Variants in CRYL1 observed in about 807,000 individuals in gnomAD.
The protein encoded by CRYL1 is lambda-crystallin homolog.
CRYL1 carries 29 observed loss-of-function variants against 36.6 expected under a neutral mutation model. That is an observed-to-expected ratio of 0.79 (90% confidence interval 0.59 to 1.08). The LOEUF (loss-of-function observed/expected upper bound fraction) is 1.08, where lower values mean the gene tolerates loss of function less well. Among genes scored for constraint, CRYL1 ranks in the 50% least tolerant of loss-of-function variants. The pLI is 0.00. For missense variants in CRYL1, 411 were observed against 407.9 expected (o/e 1.01, Z -0.06); for synonymous variants, 152 against 151.5 (o/e 1.00, Z -0.02).
At chr13:20,487,317 C>T (rs1005488307) in intron 3 of CRYL1, among the ~76,000 whole-genome samples, 11 of 151,310 alleles carry the variant, frequency 7.3e-5, no homozygotes, top group African/African-American at 1.2e-4. Flanking sequence ...AAGGAAAAAA[C>T]ATCTAAATGT....
At chr13:20,488,559 C>G (rs1380479168) in intron 3 of CRYL1, among the ~76,000 whole-genome samples, 4 of 152,254 alleles carry the variant, frequency 2.6e-5, no homozygotes, top group Non-Finnish European at 5.9e-5. Context: ...AGAACACACA[C>G]AGCCTTTTCG....
chr13:20,479,876 G>A (rs2033241739), intron 3 of CRYL1, among the ~76,000 whole-genome samples: 1 of 152,186 alleles, frequency 6.6e-6, no homozygotes, highest in Non-Finnish European at 1.5e-5. Flanking sequence ...TTGAGACAGG[G>A]ATGCTGGGGC....
intron 3 of CRYL1, among the ~76,000 whole-genome samples, chr13:20,466,083 A>G (rs1017700977): frequency 2.6e-5 from 4 of 152,140 alleles, no homozygotes; most frequent in Admixed American, 2.6e-4. Context: ...AGATGCCAAC[A>G]CCATGCTTCT....
At chr13:20,459,079 A>G (rs966811016) in intron 3 of CRYL1, among the ~76,000 whole-genome samples, 13 of 152,000 alleles carry the variant, frequency 8.6e-5, no homozygotes, top group Non-Finnish European at 1.6e-4. Flanking sequence ...ACTAAAAAAT[A>G]CAAAAAATTA....
intron 3 of CRYL1, among the ~76,000 whole-genome samples, chr13:20,480,587 A>G (rs1015223521): frequency 7.2e-5 from 11 of 152,238 alleles, no homozygotes; most frequent in Non-Finnish European, 1.6e-4. Flanking sequence ...TAGAGGCCAA[A>G]GAGAACAAAT....
At chr13:20,448,309 C>G (rs2032498849) in intron 3 of CRYL1, among the ~76,000 whole-genome samples, 1 of 152,120 alleles carries the variant, frequency 6.6e-6, no homozygotes, top group Non-Finnish European at 1.5e-5. Flanking sequence ...GTGAAAGTAT[C>G]AAATAATCTA....
intron 2 of CRYL1, among the ~76,000 whole-genome samples, chr13:20,490,664 T>TG (rs781367930): frequency 1.4e-5 from 2 of 146,064 alleles, no homozygotes; most frequent in African/African-American, 2.5e-5. Flanking sequence ...GGGGATGGGG[T>TG]GGGGGGGCAT....
chr13:20,440,900 G>A (rs1285034857), intron 3 of CRYL1, among the ~76,000 whole-genome samples: 1 of 152,198 alleles, frequency 6.6e-6, no homozygotes, highest in Non-Finnish European at 1.5e-5. Flanking sequence ...GAGTGAGAGT[G>A]AGATGACACC....
intron 6 of CRYL1, among the ~76,000 whole-genome samples, chr13:20,409,993 G>T (rs1459409529): frequency 6.6e-6 from 1 of 151,646 alleles, no homozygotes; most frequent in Non-Finnish European, 1.5e-5. Context: ...CAGGGATCTA[G>T]AACTAGAAAT....
At chr13:20,507,715 G>A (rs375944610) in intron 2 of CRYL1, among the ~76,000 whole-genome samples, 12 of 152,036 alleles carry the variant, frequency 7.9e-5, no homozygotes, top group Non-Finnish European at 1.2e-4. Flanking sequence ...TCAGGAGATC[G>A]AGACCATCCT....
intron 3 of CRYL1, among the ~76,000 whole-genome samples, chr13:20,487,232 T>C (rs1042448721): frequency 4.1e-5 from 6 of 145,726 alleles, no homozygotes; most frequent in Non-Finnish European, 9.0e-5. Context: ...AAAGTAGCTA[T>C]AGAAAGATTC....
At chr13:20,457,941 C>A (rs184606016) in intron 3 of CRYL1, among the ~76,000 whole-genome samples, 8 of 152,110 alleles carry the variant, frequency 5.3e-5, no homozygotes, top group Admixed American at 4.6e-4. Flanking sequence ...GAAAAGGTGA[C>A]CCCGGCAGAG....
intron 3 of CRYL1, among the ~76,000 whole-genome samples, chr13:20,478,259 C>A (rs1364898941): frequency 6.6e-6 from 1 of 152,018 alleles, no homozygotes; most frequent in African/African-American, 2.4e-5. Context: ...TTTATATTTT[C>A]TACTTAACAG....
intron 2 of CRYL1, among the ~76,000 whole-genome samples, chr13:20,504,884 AT>A (rs1347052066): frequency 6.6e-6 from 1 of 152,084 alleles, no homozygotes; most frequent in Admixed American, 6.6e-5. Context: ...ATGTTTTAAT[AT>A]TTTTTTAAAT....
rs571557923 is a variant in CRYL1, at chr13:20,454,423, T to G, written c.277-14669A>C. On this transcript the variant is annotated intron_variant, in intron 3 of 7. Coordinates refer to ENST00000298248, the MANE Select transcript of CRYL1 (RefSeq NM_015974.3). ...ATTCAACCCCCATTCGTGTTTGTTT[T>G]TTTTTTTTTTTGAGATGGAGTCTTG... is the stretch of plus-strand genomic sequence containing the variant. Among the ~76,000 whole-genome samples the G allele has an allele frequency of 1.2e-3, 183 of 150,924 alleles. 1 individual carries two copies. The highest frequency in any genetic ancestry group is 9.4e-3 in the South Asian group (45 of 4,798).
At chr13:20,429,665 C>T (rs539874894) in intron 5 of CRYL1, among the ~76,000 whole-genome samples, 25 of 152,260 alleles carry the variant, frequency 1.6e-4, no homozygotes, top group East Asian at 1.3e-3. Flanking sequence ...GGTTCTGCCG[C>T]GCAGCCCCAG....
intron 2 of CRYL1, among the ~76,000 whole-genome samples, chr13:20,503,022 CCTCAGAATATGCAGCA>C (rs1247504827): frequency 6.6e-6 from 1 of 152,124 alleles, no homozygotes; most frequent in Non-Finnish European, 1.5e-5. Flanking sequence ...AAGCGCACGG[CCTCAGAATATGCAGCA>C]AGATCACTCG....
At chr13:20,411,973 TTGAC>T (rs1439547584) in intron 6 of CRYL1, among the ~76,000 whole-genome samples, 1 of 152,166 alleles carries the variant, frequency 6.6e-6, no homozygotes, top group Non-Finnish European at 1.5e-5. Flanking sequence ...ACTGTGAAAA[TTGAC>T]TGAACTATTA....
At chr13:20,487,938 C>T (rs1593480252) in intron 3 of CRYL1, among the ~76,000 whole-genome samples, 1 of 152,046 alleles carries the variant, frequency 6.6e-6, no homozygotes, top group Admixed American at 6.6e-5. Flanking sequence ...CCTGTCTCTA[C>T]TAAAACTGCA....
Sources: gnomAD v4.1 joint callset for allele counts (sites outside exome capture counted in the v4.1 genomes callset) on GRCh38, gnomAD v4.1.1 for gene constraint, MANE v1.5 for transcripts, NCBI Gene and HGNC (gene_info 2026-07-23, HGNC 2026-07-21) for gene names.